The following MUC12 variants were observed in gnomAD, a reference collection of about 807,000 sequenced individuals.
The protein encoded by MUC12 is mucin-12.
MUC12 carries 172 observed loss-of-function variants against 230.8 expected under a neutral mutation model. The ratio of observed to expected loss-of-function variants is 0.75; its 90% CI spans 0.66 to 0.85. MUC12 has a LOEUF of 0.85. MUC12 is among the 40% of genes least tolerant of loss of function. The pLI is 0.00. For missense variants in MUC12, 3,506 were observed against 5,920.6 expected, an observed-to-expected ratio of 0.59 and a Z score of 13.38; for synonymous variants, 1,259 against 2,401.9, an observed-to-expected ratio of 0.52 and a Z score of 13.91.
Position 100,990,860 on chromosome 7 carries a change from C to T in MUC12, c.297C>T (p.His99=), listed in dbSNP as rs1459885795. 1.3e-6 allele frequency: 2 copies of T among 1,537,866 alleles called. No homozygotes were observed. The highest frequency in any genetic ancestry group is 2.0e-5 in the Admixed American group (1 of 51,014). The change falls in exon 2 of 12, where the codon CAC becomes CAT. Residue 99 remains histidine, a synonymous_variant. Transcript: ENST00000536621. The part of the protein sequence containing the change: ...GATGTTLFPS[H]SATSVFVGEP... ...CTGGAACAACACTCTTCCCTTCCCA[C>T]TCTGCAACCTCAGTTTTTGTTGGAG...
In MUC12 at chr7:100,991,933, C is replaced by A. The variant is rs1793322065; in HGVS notation, c.1370C>A (p.Thr457Lys). Residue 457 changes from threonine (T) to lysine (K), a missense_variant, in exon 2 of 12, where the codon ACA becomes AAA. Coordinates refer to ENST00000536621, the MANE Select transcript of MUC12 (RefSeq NM_001164462.2). ...ACAACAGTCTTACCTGCCGGCTCTA[C>A]ACCCTCAGTTCTTGTTGGAGACTCG... ...MATTVLPAGS[T>K]PSVLVGDSTP... is the part of the protein sequence containing the mutation. The A allele has an allele frequency of 1.3e-6, 2 of 1,537,982 alleles. No individual in the cohort carries two copies. Among genetic ancestry groups the A allele is most frequent in the East Asian group, 4.9e-5 (2 of 40,928 alleles).
intron 9 of MUC12, among the ~76,000 whole-genome samples, chr7:101,014,777 CTTAAATTAAATTAAATTAAATTAAA>C (rs10533221): frequency 3.5e-5 from 5 of 143,636 alleles, no homozygotes; most frequent in Non-Finnish European, 3.0e-5. Context: ...CGTGCCCGGC[CTTAAATTAAATTAAATTAAATTAAA>C]TTAAATTAAA....
intron 1 of MUC12, among the ~76,000 whole-genome samples, chr7:100,971,589 G>T (rs1792899656): frequency 6.6e-6 from 1 of 152,312 alleles, no homozygotes; most frequent in Non-Finnish European, 1.5e-5. Flanking sequence ...TGGGAGAGAG[G>T]TACAGGCAGG....
Position 101,004,316 on chromosome 7 carries a change from G to A in MUC12, c.13753G>A (p.Ala4585Thr). 1 of 1,146,268 alleles carries A rather than the reference G, an allele frequency of 8.7e-7. No homozygotes were observed. The highest frequency in any genetic ancestry group is 1.5e-5 in the South Asian group (1 of 65,642). The allele number at this position is 1,146,268 out of a possible 1,614,324, so 71.0% of individuals were successfully genotyped here. A position where few individuals can be genotyped will look rare whatever the true frequency, so the allele number is the denominator to read the frequency against. ...AGTCCACAGCAGCCCAGTTGCAACT[G>A]CAACAACACCCTCGCCTGCCCGCTC... ...TTVHSSPVAT[A>T]TTPSPARSTT... Residue 4585 changes from alanine to threonine, a missense_variant, in exon 2 of 12, where the codon GCA (alanine) becomes ACA (threonine). Physicochemically the swap from Ala to Thr is moderately conservative, Grantham distance 58 (BLOSUM62 0). Transcript: ENST00000536621.
chr7:100,978,055 A>T (rs1793058606), intron 1 of MUC12, among the ~76,000 whole-genome samples: 1 of 152,162 alleles, frequency 6.6e-6, no homozygotes, highest in African/African-American at 2.4e-5. Flanking sequence ...TGACATCTGG[A>T]AAGCCCCTGT....
Position 101,004,427 on chromosome 7 carries a change from A to T in MUC12, c.13864A>T (p.Thr4622Ser). Residue 4622 changes from threonine (T) to serine (S), a missense_variant, in exon 2 of 12, where the codon ACA becomes TCA. Coordinates refer to ENST00000536621, the MANE Select transcript of MUC12 (RefSeq NM_001164462.2). ...TQTMHFPESS[T>S]ASGRSEESRT... ...AACAATGCACTTCCCTGAAAGCTCC[A>T]CAGCTTCAGGTCGTAGTGAAGAATC... 6.6e-6 allele frequency: 10 copies of T among 1,517,532 alleles called. No individual in the cohort carries two copies. The highest frequency in any genetic ancestry group is 8.8e-6 in the Non-Finnish European group (10 of 1,140,706). The allele number at this position is 1,517,532 out of a possible 1,614,324, so 94.0% of individuals were successfully genotyped here.
chr7:101,016,184 T>C (rs1462231656), intron 10 of MUC12, among the ~76,000 whole-genome samples: 1 of 151,858 alleles, frequency 6.6e-6, no homozygotes, highest in Non-Finnish European at 1.5e-5. Flanking sequence ...GAGAAACGCC[T>C]GCAGTTGGGA....
intron 10 of MUC12, chr7:101,017,021 C>G (rs1793935631): frequency 6.6e-6 from 1 of 151,770 alleles, no homozygotes; most frequent in Non-Finnish European, 1.5e-5. Context: ...CAGGAGCCCC[C>G]GTAGAAGGAC....
Position 100,990,799 on chromosome 7 carries a change from A to T in MUC12, c.236A>T (p.Glu79Val). Residue 79 changes from glutamate to valine, a missense_variant, in exon 2 of 12, where the codon GAG becomes GTG. Glu to Val is a moderately radical substitution (Grantham distance 121, BLOSUM62 -2). Coordinates refer to ENST00000536621, the MANE Select transcript of MUC12 (RefSeq NM_001164462.2). ...AGCTCCACAAACTCAGGCCACAGTGAGGAATCAACAGTATCCCACAGCGGC... is the reference window on the plus strand; with the variant it reads ...AGCTCCACAAACTCAGGCCACAGTGTGGAATCAACAGTATCCCACAGCGGC... ...LDSSTNSGHS[E>V]ESTVSHSGPG... 6.5e-7 allele frequency: 1 copy of T among 1,537,842 alleles called. No homozygotes were observed.
intron 1 of MUC12, among the ~76,000 whole-genome samples, chr7:100,986,092 C>T (rs867867199): frequency 4.3e-4 from 66 of 152,212 alleles, no homozygotes; most frequent in African/African-American, 1.5e-3. Flanking sequence ...CCGGTGTGTG[C>T]CTCAAGCCTG....
intron 6 of MUC12, among the ~76,000 whole-genome samples, 169 bp from the exon 7 acceptor site, chr7:101,012,650 C>T (rs1793854830): frequency 6.6e-6 from 1 of 152,150 alleles, no homozygotes. Flanking sequence ...GCTATCATAT[C>T]CCCATTTGAG....
chr7:101,006,413 G>A, intron 2 of MUC12, 58 bp from the exon 3 acceptor site: 2 of 1,142,112 alleles, frequency 1.8e-6, no homozygotes, highest in Non-Finnish European at 2.5e-6. Context: ...GAATGGGAGT[G>A]CGTGTTTTTG....
At position 101,018,718 on chromosome 7, in the gene MUC12, G is replaced by C; in HGVS notation, c.*82G>C. The C allele has an allele frequency of 7.1e-7, 1 of 1,399,342 alleles. No homozygotes were observed. Among genetic ancestry groups the C allele is most frequent in the Non-Finnish European group, 9.5e-7 (1 of 1,048,262 alleles). The allele number at this position is 1,399,342 out of a possible 1,614,324, so 86.7% of individuals were successfully genotyped here. Reference sequence around the variant, plus strand: ...AGCCCACCACAAGCCTCCGGGGCGGGTCAAGAGGAGACCGAAGTCAGGCCC... The same window carrying C: ...AGCCCACCACAAGCCTCCGGGGCGGCTCAAGAGGAGACCGAAGTCAGGCCC... On this transcript the variant is annotated 3_prime_UTR_variant, in exon 12 of 12. Transcript: ENST00000536621.
In MUC12 at chr7:100,991,912, C is replaced by G; in HGVS notation, c.1349C>G (p.Thr450Arg). The part of the protein sequence containing the change: ...SHSSPDAMAT[T>R]VLPAGSTPSV... ...AGCAGCCCAGATGCAATGGCAACAA[C>G]AGTCTTACCTGCCGGCTCTACACCC... The change falls in exon 2 of 12, where the codon ACA becomes AGA. Residue 450 changes from threonine to arginine, a missense_variant. Physicochemically the swap from Thr to Arg is moderately conservative, Grantham distance 71. Transcript: ENST00000536621. 2 of 1,537,482 alleles carry G rather than the reference C, an allele frequency of 1.3e-6. No individual in the cohort carries two copies. The highest frequency in any genetic ancestry group is 8.7e-7 in the Non-Finnish European group (1 of 1,146,966).
rs1212805620 is a variant in MUC12, at chr7:101,005,385, C to T, written c.14822C>T (p.Ser4941Phe). ...GEPTTFYISP[S>F]PTYTTLFPAS... is the part of the protein sequence containing the mutation. Reference sequence around the variant, plus strand: ...CCTACAACTTTCTACATCAGCCCATCCCCTACTTACACAACACTCTTTCCT... The same window carrying T: ...CCTACAACTTTCTACATCAGCCCATTCCCTACTTACACAACACTCTTTCCT... The change falls in exon 2 of 12, where the codon TCC becomes TTC. Residue 4941 changes from serine (S) to phenylalanine (F), a missense_variant. Transcript: ENST00000536621. The T allele has an allele frequency of 6.5e-7, 1 of 1,537,808 alleles. No individual in the cohort carries two copies. The highest frequency in any genetic ancestry group is 8.7e-7 in the Non-Finnish European group (1 of 1,147,066).
At position 100,994,234 on chromosome 7, in the gene MUC12, C is replaced by T. The variant is rs1479566767; in HGVS notation, c.3671C>T (p.Thr1224Ile). The change falls in exon 2 of 12, where the codon ACC (threonine) becomes ATC (isoleucine). Residue 1224 changes from threonine (T) to isoleucine (I), a missense_variant. Transcript: ENST00000536621. ...GCCTTCCCCGGCAGCCCAGCCTCCA[C>T]CCAAACAGGGTTACCTGCCACACTC... ...STAFPGSPAS[T>I]QTGLPATLTT... 7.7e-6 allele frequency: 8 copies of T among 1,044,838 alleles called. 1 individual carries two copies. The highest frequency in any genetic ancestry group is 1.0e-5 in the Non-Finnish European group (8 of 775,118). The allele number at this position is 1,044,838 out of a possible 1,614,324, so 64.7% of individuals were successfully genotyped here.
In MUC12 at chr7:101,004,945, A is replaced by G. The variant is rs183440127; in HGVS notation, c.14382A>G (p.Ser4794=). The G allele has an allele frequency of 6.5e-6, 10 of 1,537,734 alleles. No individual in the cohort carries two copies. The East Asian group carries it at 1.7e-4, about 26-fold the overall frequency. Residue 4794 remains serine, a synonymous_variant, in exon 2 of 12, where the codon TCA becomes TCG. Coordinates refer to ENST00000536621, the MANE Select transcript of MUC12 (RefSeq NM_001164462.2). ...STTTSGLSQE[S]TTFHSKPGST... Reference sequence around the variant, plus strand: ...CCACCTCAGGCCTCAGTCAGGAATCAACAACTTTCCACAGTAAGCCAGGCT... The same window carrying G: ...CCACCTCAGGCCTCAGTCAGGAATCGACAACTTTCCACAGTAAGCCAGGCT...
In MUC12 at chr7:100,992,236, C is replaced by T; in HGVS notation, c.1673C>T (p.Pro558Leu). 2 of 1,537,238 alleles carry T rather than the reference C, an allele frequency of 1.3e-6. No individual in the cohort carries two copies. Among genetic ancestry groups the T allele is most frequent in the South Asian group, 1.2e-5 (1 of 84,028 alleles). The change falls in exon 2 of 12, where the codon CCC becomes CTC. Residue 558 changes from proline to leucine, a missense_variant. Transcript: ENST00000536621. The part of the protein sequence containing the change: ...ESTASHSSPG[P>L]TDTTLSPGST... ...ACAGCTTCCCACAGCAGCCCAGGCC[C>T]CACAGACACAACATTGTCCCCTGGC...
chr7:100,976,843 G>C (rs1793039709), intron 1 of MUC12, among the ~76,000 whole-genome samples: 1 of 151,792 alleles, frequency 6.6e-6, no homozygotes, highest in African/African-American at 2.4e-5. Context: ...GTGACATCGG[G>C]AGTTCGAGAC....
Sources: allele counts gnomAD v4.1 joint callset (sites outside exome capture counted in the v4.1 genomes callset), GRCh38; gene constraint gnomAD v4.1.1; transcripts MANE v1.5; gene names NCBI Gene and HGNC (gene_info 2026-07-23, HGNC 2026-07-21).